PCDH7: variants seen among roughly 807,000 people sequenced by gnomAD.
The protein encoded by PCDH7 is protocadherin 7.
Under a neutral mutation model 58.9 loss-of-function variants are expected in PCDH7, and 17 were observed. The ratio of observed to expected loss-of-function variants is 0.29; its 90% CI spans 0.20 to 0.43. PCDH7 has a LOEUF of 0.43. Ranked by LOEUF, PCDH7 falls within the 20% of genes least tolerant of loss-of-function variation. The pLI is 1.00. For missense variants in PCDH7, 1,274 were observed against 1,441.0 expected, an observed-to-expected ratio of 0.88 and a Z score of 1.88; for synonymous variants, 664 against 616.4, an observed-to-expected ratio of 1.08 and a Z score of -1.14.
At chr4:31,055,830 G>A (rs757687746) in intron 3 of PCDH7, among the ~76,000 whole-genome samples, 2 of 151,870 alleles carry the variant, frequency 1.3e-5, no homozygotes, top group Non-Finnish European at 2.9e-5. Flanking sequence ...ACCCACCTCG[G>A]CCTCCCAAAG....
intron 1 of PCDH7, among the ~76,000 whole-genome samples, chr4:30,832,759 G>C (rs1007453490): frequency 2.6e-5 from 4 of 152,160 alleles, no homozygotes; most frequent in African/African-American, 9.7e-5. Flanking sequence ...CAGATATGCA[G>C]ATATGAATGA....
chr4:30,741,649 G>T (rs1416421665), intron 1 of PCDH7, among the ~76,000 whole-genome samples: 1 of 152,160 alleles, frequency 6.6e-6, no homozygotes, highest in Non-Finnish European at 1.5e-5. Context: ...ACTCCCAGTT[G>T]GAAACAACCA....
intron 1 of PCDH7, among the ~76,000 whole-genome samples, chr4:30,838,525 G>A (rs1180030231): frequency 6.6e-6 from 1 of 151,874 alleles, no homozygotes; most frequent in Non-Finnish European, 1.5e-5. Context: ...AATAAACATA[G>A]ACAATGCATT....
Position 31,052,601 on chromosome 4 carries a change from A to G in PCDH7, c.*8-89872A>G, listed in dbSNP as rs145886358. 4.6e-3 allele frequency among the ~76,000 whole-genome samples: 701 copies of G among 152,278 alleles called. 4 individuals are homozygous for G. Among genetic ancestry groups the G allele is most frequent in the African/African-American group, 0.016 (659 of 41,576 alleles). ...TCCCAAATAAAAATGGCTCTTTAAGAAATAAAAATATAGTAAGTGACTGGA... is the reference window on the plus strand; with the variant it reads ...TCCCAAATAAAAATGGCTCTTTAAGGAATAAAAATATAGTAAGTGACTGGA... On this transcript the variant is annotated intron_variant, in intron 3 of 3. Transcript: ENST00000509759.
chr4:30,735,003 ATC>A (rs1241113330), downstream of PCDH7, among the ~76,000 whole-genome samples: 1 of 151,848 alleles, frequency 6.6e-6, no homozygotes, highest in East Asian at 2.0e-4. Flanking sequence ...CAATTCTCTG[ATC>A]TCCCCGCTTC....
At chr4:30,909,079 T>C (rs4692485) in intron 1 of PCDH7, among the ~76,000 whole-genome samples, 105,152 of 151,544 alleles carry the variant, frequency 0.69, 36,710 homozygotes, top group African/African-American at 0.79. Context: ...ATGACGAAAA[T>C]GACATGATTA....
chr4:30,814,380 C>T (rs1327816988), intron 1 of PCDH7, among the ~76,000 whole-genome samples: 2 of 151,974 alleles, frequency 1.3e-5, no homozygotes, highest in African/African-American at 2.4e-5. Context: ...AATGTCAATT[C>T]GTCATATGAA....
intron 1 of PCDH7, among the ~76,000 whole-genome samples, chr4:30,917,284 C>G (rs1560499136): frequency 6.6e-6 from 1 of 152,122 alleles, no homozygotes; most frequent in Non-Finnish European, 1.5e-5. Flanking sequence ...TCAATGGGAG[C>G]TCTTTCAGAA....
At chr4:31,053,432 C>T (rs534261019) in intron 3 of PCDH7, among the ~76,000 whole-genome samples, 37 of 152,138 alleles carry the variant, frequency 2.4e-4, no homozygotes, top group Middle Eastern at 3.4e-3. Context: ...TGATTCTTTA[C>T]GTCCATCAAA....
chr4:30,731,013 G>T (rs931052868), exon 2 of PCDH7: 11 of 1,208,588 alleles, frequency 9.1e-6, no homozygotes, highest in Admixed American at 8.5e-5. Flanking sequence ...TGCTACTAAT[G>T]GATGTCTGAG....
At chr4:30,946,819 C>A (rs756204129) in intron 2 of PCDH7, among the ~76,000 whole-genome samples, 7 of 151,882 alleles carry the variant, frequency 4.6e-5, no homozygotes, top group Admixed American at 1.3e-4. Context: ...GCATTTCTCT[C>A]CTGCCTCAGC....
At chr4:30,878,174 G>C (rs980477516) in intron 1 of PCDH7, among the ~76,000 whole-genome samples, 2 of 152,088 alleles carry the variant, frequency 1.3e-5, no homozygotes, top group Non-Finnish European at 2.9e-5. Context: ...GCAATGGGTT[G>C]ACTCTATGAT....
intron 3 of PCDH7, among the ~76,000 whole-genome samples, chr4:31,026,168 C>T (rs184044799): frequency 6.6e-6 from 1 of 152,344 alleles, no homozygotes; most frequent in Non-Finnish European, 1.5e-5. Context: ...CATTAACCTT[C>T]TAACATTTTC....
At chr4:30,813,063 A>G (rs1727215427) in intron 1 of PCDH7, among the ~76,000 whole-genome samples, 1 of 152,182 alleles carries the variant, frequency 6.6e-6, no homozygotes, top group East Asian at 1.9e-4. Flanking sequence ...GATCAATCTT[A>G]GCCTATAGGA....
intron 3 of PCDH7, among the ~76,000 whole-genome samples, chr4:30,977,288 A>C (rs1282518947): frequency 6.6e-6 from 1 of 152,176 alleles, no homozygotes; most frequent in Admixed American, 6.5e-5. Context: ...CATTTTAATA[A>C]AAATTATACT....
chr4:31,014,548 G>A (rs190933664), intron 3 of PCDH7, among the ~76,000 whole-genome samples: 65 of 152,046 alleles, frequency 4.3e-4, no homozygotes, highest in South Asian at 2.1e-4. Context: ...ACAACTACAC[G>A]TAAGCCAGTT....
intron 1 of PCDH7, among the ~76,000 whole-genome samples, chr4:30,795,264 T>G (rs934756370): frequency 6.6e-6 from 1 of 152,124 alleles, no homozygotes; most frequent in African/African-American, 2.4e-5. Flanking sequence ...TACAGTCAAA[T>G]CCCACCTTAC....
At chr4:30,911,000 T>A (rs1160281467) in intron 1 of PCDH7, among the ~76,000 whole-genome samples, 1 of 152,138 alleles carries the variant, frequency 6.6e-6, no homozygotes, top group Non-Finnish European at 1.5e-5. Flanking sequence ...GAGTTCATGT[T>A]GTTTGCATGG....
At chr4:30,795,839 A>G (rs577018394) in intron 1 of PCDH7, among the ~76,000 whole-genome samples, 45 of 152,344 alleles carry the variant, frequency 3.0e-4, no homozygotes, top group African/African-American at 1.1e-3. Flanking sequence ...ATGGGAATAT[A>G]ATAAAAATGA....
Sources: gnomAD v4.1 joint callset for allele counts (sites outside exome capture counted in the v4.1 genomes callset) on GRCh38, gnomAD v4.1.1 for gene constraint, MANE v1.5 for transcripts, NCBI Gene and HGNC (gene_info 2026-07-23, HGNC 2026-07-21) for gene names.